SEPTIN9: variants seen among roughly 807,000 people sequenced by gnomAD.
The protein encoded by SEPTIN9 is septin 9.
In SEPTIN9, 13 loss-of-function variants were observed where a neutral mutation model predicts 56.6. The ratio of observed to expected loss-of-function variants is 0.23; its 90% CI spans 0.15 to 0.37. The LOEUF is 0.37. SEPTIN9 is among the 10% of genes least tolerant of loss of function. The probability of loss-of-function intolerance (pLI) is 1.00; values close to 1 mark genes in which losing one functional copy is unlikely to be tolerated. For synonymous variants in SEPTIN9, 332 were observed against 334.1 expected (o/e 0.99, Z 0.07); for missense variants, 650 against 823.1 (o/e 0.79, Z 2.57).
intron 2 of SEPTIN9, among the ~76,000 whole-genome samples, chr17:77,359,838 A>AG (rs1338951818): frequency 6.6e-6 from 1 of 151,728 alleles, no homozygotes; most frequent in African/African-American, 2.4e-5. Flanking sequence ...TGGAAAAAAA[A>AG]TCATGAGCAC....
rs1466301007 is a variant in SEPTIN9 at position 77,435,587 on chromosome 17, T to A, written c.721+32884T>A. Among the ~76,000 whole-genome samples the A allele has an allele frequency of 6.6e-6, 1 of 152,128 alleles. No homozygotes were observed. Among genetic ancestry groups the A allele is most frequent in the Non-Finnish European group, 1.5e-5 (1 of 68,010 alleles). On this transcript the variant is annotated intron_variant, in intron 3 of 11. Coordinates refer to ENST00000427177, the MANE Select transcript of SEPTIN9 (RefSeq NM_001113491.2). The surrounding 1 kb of genome is among the most constrained non-coding windows in gnomAD (Gnocchi z 4.5). ...GTCTGGAGGTGCCAGTGGTCACTCA[T>A]CAGCACAGCCCAGTCTCACACATGT...
rs1048143157 is a variant in SEPTIN9 at position 77,344,974 on chromosome 17, A to T, written c.76+37777A>T. 1.4e-3 allele frequency among the ~76,000 whole-genome samples: 157 copies of T among 113,654 alleles called. 1 individual carries two copies. Among genetic ancestry groups the T allele is most frequent in the African/African-American group, 5.8e-3 (144 of 24,782 alleles). The allele number at this position is 113,654 out of a possible 152,430, so 74.6% of individuals were successfully genotyped here. ...GCGACAGAGCAAGACTGCCTCAAAAAAAAAAAAAAAAAAAAAAAAAAAGGA... is the reference window on the plus strand; with the variant it reads ...GCGACAGAGCAAGACTGCCTCAAAATAAAAAAAAAAAAAAAAAAAAAAGGA... On this transcript the variant is annotated intron_variant, in intron 2 of 11. Coordinates refer to ENST00000427177, the MANE Select transcript of SEPTIN9 (RefSeq NM_001113491.2).
chr17:77,407,740 G>GCCCTGC (rs1322928643), intron 3 of SEPTIN9, among the ~76,000 whole-genome samples: 3 of 152,344 alleles, frequency 2.0e-5, no homozygotes, highest in South Asian at 2.1e-4. Flanking sequence ...CGAGGCTCTG[G>GCCCTGC]CCCTGCCCCT....
intron 3 of SEPTIN9, among the ~76,000 whole-genome samples, chr17:77,407,391 G>T (rs563764785): frequency 6.6e-6 from 1 of 151,878 alleles, no homozygotes; most frequent in South Asian, 2.1e-4. Flanking sequence ...CTGGTGGTGA[G>T]TTGGGATGGC....
Position 77,492,053 on chromosome 17 carries a change from G to A in SEPTIN9, c.1381-568G>A, listed in dbSNP as rs1030417660. 3.9e-5 allele frequency among the ~76,000 whole-genome samples: 6 copies of A among 152,270 alleles called. No homozygotes were observed. Among genetic ancestry groups the A allele is most frequent in the African/African-American group, 7.2e-5 (3 of 41,542 alleles). ...GTGGGTGGGGCCTGTAACCTACTCC[G>A]TCCTGGGGCCAGGTGTCAGGGACCT... On this transcript the variant is annotated intron_variant, in intron 8 of 11. Transcript: ENST00000427177. This position sits in a 1 kb window ranked among gnomAD's most constrained non-coding sequence, Gnocchi z 5.4.
chr17:77,497,917 C>A (rs2040340263), intron 11 of SEPTIN9, among the ~76,000 whole-genome samples: 1 of 148,884 alleles, frequency 6.7e-6, no homozygotes, highest in South Asian at 2.2e-4. Flanking sequence ...AGAGGAGGGG[C>A]CTCCAGGTTG....
Position 77,434,774 on chromosome 17 carries a change from C to T in SEPTIN9, c.721+32071C>T, listed in dbSNP as rs996994118. 1.3e-5 allele frequency among the ~76,000 whole-genome samples: 2 copies of T among 152,230 alleles called. No individual in the cohort carries two copies. The highest frequency in any genetic ancestry group is 2.9e-5 in the Non-Finnish European group (2 of 68,038). On this transcript the variant is annotated intron_variant, in intron 3 of 11. Transcript: ENST00000427177. The surrounding 1 kb of genome is among the most constrained non-coding windows in gnomAD (Gnocchi z 5.0). Reference sequence around the variant, plus strand: ...GAAGGCAAGGACCGGTGGCTCACCCCTCTTGCACCTGGACCTTGGGTGGCA... The same window carrying T: ...GAAGGCAAGGACCGGTGGCTCACCCTTCTTGCACCTGGACCTTGGGTGGCA...
intron 3 of SEPTIN9, chr17:77,454,213 C>T (rs1305960695): frequency 3.0e-6 from 3 of 985,412 alleles, no homozygotes; most frequent in Non-Finnish European, 3.6e-6. Flanking sequence ...GGCTGACCAC[C>T]CTGGAGGCTC....
rs1294284487 is a variant in SEPTIN9 at position 77,443,698 on chromosome 17, G to A, written c.722-38446G>A. On this transcript the variant is annotated intron_variant, in intron 3 of 11. Coordinates refer to ENST00000427177, the MANE Select transcript of SEPTIN9 (RefSeq NM_001113491.2). Reference sequence around the variant, plus strand: ...TGTAATCCCAGCTACGGGGGAGGCTGTGGCAGAAGAATCACTTAAAACCTG... The same window carrying A: ...TGTAATCCCAGCTACGGGGGAGGCTATGGCAGAAGAATCACTTAAAACCTG... 3.3e-5 allele frequency among the ~76,000 whole-genome samples: 5 copies of A among 152,192 alleles called. No individual in the cohort carries two copies. In the East Asian group the frequency reaches 9.7e-4, roughly 29 times the overall value.
At chr17:77,497,196 A>C (rs1598481038) in intron 10 of SEPTIN9, 119 bp from the exon 11 acceptor site, 2 of 1,013,564 alleles carry the variant, frequency 2.0e-6, no homozygotes, top group East Asian at 5.2e-5. Flanking sequence ...CCTCCTGCCC[A>C]TGGGGCTGCC....
chr17:77,393,581 T>A (rs199556529), intron 2 of SEPTIN9, among the ~76,000 whole-genome samples: 5 of 151,862 alleles, frequency 3.3e-5, no homozygotes, highest in Admixed American at 1.3e-4. Context: ...GAATCTTATT[T>A]TTTATTTATT....
At position 77,453,930 on chromosome 17, in the gene SEPTIN9, C is replaced by G. The variant is rs552224525; in HGVS notation, c.722-28214C>G. 1 of 454,634 alleles carries G rather than the reference C, an allele frequency of 2.2e-6. No individual in the cohort carries two copies. The highest frequency in any genetic ancestry group is 2.9e-6 in the Non-Finnish European group (1 of 344,886). 28.2% of individuals were successfully genotyped at this position (454,634 alleles called of 1,614,324 possible). A position where few individuals can be genotyped will look rare whatever the true frequency, so the allele number is the denominator to read the frequency against. ...TGGCTTCCCTGCCGGTGTCAAAGGT[C>G]TCAAGGCCCCTTTAAGAAGCCTGTC... On this transcript the variant is annotated intron_variant, in intron 3 of 11. Coordinates refer to ENST00000427177, the MANE Select transcript of SEPTIN9 (RefSeq NM_001113491.2). The surrounding 1 kb of genome is among the most constrained non-coding windows in gnomAD (Gnocchi z 4.4).
intron 2 of SEPTIN9, among the ~76,000 whole-genome samples, chr17:77,361,301 G>C (rs1170421772): frequency 6.6e-6 from 1 of 152,158 alleles, no homozygotes; most frequent in Non-Finnish European, 1.5e-5. Context: ...CTGCCTGCGG[G>C]ACAGAGCCTG....
At chr17:77,383,185 T>C (rs113172245) in intron 2 of SEPTIN9, among the ~76,000 whole-genome samples, 2,634 of 9,604 alleles carry the variant, frequency 0.27, 127 homozygotes, top group East Asian at 0.55. Flanking sequence ...TCCCTCCTTC[T>C]CTCCCTCCCT....
At position 77,500,397 on chromosome 17, in the gene SEPTIN9, T is replaced by TG; in HGVS notation, c.*1742dup. On this transcript the variant is annotated 3_prime_UTR_variant, in exon 12 of 12. Transcript: ENST00000427177. The stretch of plus-strand genomic sequence containing the variant: ...ACTTGGTGGCGGGGTGGGGTGGGGG[T>TG]GGGCAGCAGCATCCCAGCCTTGAGA... The TG allele has an allele frequency of 1.8e-5, 3 of 163,238 alleles. No homozygotes were observed. The highest frequency in any genetic ancestry group is 1.3e-4 in the East Asian group (1 of 7,780). 10.1% of individuals were successfully genotyped at this position (163,238 alleles called of 1,614,324 possible).
rs1297430575 is a variant in SEPTIN9 at position 77,454,453 on chromosome 17, C to T, written c.722-27691C>T. 2.0e-5 allele frequency: 17 copies of T among 841,182 alleles called. No individual in the cohort carries two copies. In the South Asian group the frequency reaches 2.2e-4, roughly 11 times the overall value. 52.1% of individuals were successfully genotyped at this position (841,182 alleles called of 1,614,324 possible). On this transcript the variant is annotated intron_variant, in intron 3 of 11. Coordinates refer to ENST00000427177, the MANE Select transcript of SEPTIN9 (RefSeq NM_001113491.2). Reference sequence around the variant, plus strand: ...TGGCGGCCATGCCCAGTCCGCTGTACGTGTGAGTTTGTTTGATGAGGAATT... The same window carrying T: ...TGGCGGCCATGCCCAGTCCGCTGTATGTGTGAGTTTGTTTGATGAGGAATT...
intron 3 of SEPTIN9, among the ~76,000 whole-genome samples, chr17:77,404,764 A>T (rs971364103): frequency 6.6e-6 from 1 of 152,124 alleles, no homozygotes; most frequent in African/African-American, 2.4e-5. Flanking sequence ...GCCAGAGGCT[A>T]GTGGGCCTTG....
intron 3 of SEPTIN9, among the ~76,000 whole-genome samples, chr17:77,416,277 T>C (rs2036505122): frequency 6.6e-6 from 1 of 152,098 alleles, no homozygotes; most frequent in East Asian, 1.9e-4. Flanking sequence ...TTGTGGTACC[T>C]GAGAGGTGGG....
chr17:77,297,482 C>G (rs1725292699), intron 1 of SEPTIN9, among the ~76,000 whole-genome samples: 1 of 152,188 alleles, frequency 6.6e-6, no homozygotes, highest in Non-Finnish European at 1.5e-5. Context: ...CGATGCGTTA[C>G]CAGCCATCCC....
Sources: gnomAD v4.1 joint callset for allele counts (sites outside exome capture counted in the v4.1 genomes callset) on GRCh38, gnomAD v4.1.1 for gene constraint, Gnocchi (gnomAD v3.1) non-coding constraint, MANE v1.5 for transcripts, NCBI Gene and HGNC (gene_info 2026-07-23, HGNC 2026-07-21) for gene names.